The following EIF4G3 variants were observed in gnomAD, a reference collection of about 807,000 sequenced individuals.
EIF4G3 encodes eukaryotic translation initiation factor 4 gamma 3.
A neutral mutation model predicts 186.4 loss-of-function variants in EIF4G3; 34 were observed. That is an observed-to-expected ratio of 0.18 (90% CI 0.14 to 0.24). The LOEUF is 0.24. Among genes scored for constraint, EIF4G3 ranks in the 10% least tolerant of loss-of-function variants. The probability of loss-of-function intolerance (pLI) is 1.00; values close to 1 mark genes in which losing one functional copy is unlikely to be tolerated. For missense variants in EIF4G3, 1,536 were observed against 1,948.5 expected (o/e 0.79, Z 3.99); for synonymous variants, 673 against 679.5 (o/e 0.99, Z 0.15).
intron 24 of EIF4G3, among the ~76,000 whole-genome samples, chr1:20,859,766 A>G (rs1432402951): frequency 6.6e-6 from 1 of 151,964 alleles, no homozygotes; most frequent in African/African-American, 2.4e-5. Context: ...TGTCCAGCAA[A>G]TTTTTTAGTA....
At chr1:21,143,302 C>T (rs370994155) in intron 2 of EIF4G3, among the ~76,000 whole-genome samples, 6 of 130,014 alleles carry the variant, frequency 4.6e-5, no homozygotes, top group African/African-American at 1.7e-4. Context: ...GAAAGAGAGA[C>T]AAAGAAAGAA....
At chr1:21,031,515 T>C (rs937524716) in intron 4 of EIF4G3, among the ~76,000 whole-genome samples, 8 of 151,546 alleles carry the variant, frequency 5.3e-5, no homozygotes, top group African/African-American at 1.9e-4. Flanking sequence ...ATATAAAGAA[T>C]ATAAGAACAC....
At position 20,986,744 on chromosome 1, in the gene EIF4G3, C is replaced by CAAAAA. The variant is rs61255473; in HGVS notation, c.178-4341_178-4337dup. Among the ~76,000 whole-genome samples, 562 of 66,298 alleles carry CAAAAA rather than the reference C, an allele frequency of 8.5e-3. 75 individuals are homozygous for CAAAAA. Among genetic ancestry groups the CAAAAA allele is most frequent in the East Asian group, 0.016 (22 of 1,416 alleles). 43.5% of individuals were successfully genotyped at this position (66,298 alleles called of 152,430 possible). On this transcript the variant is annotated intron_variant, in intron 7 of 36. Transcript: ENST00000602326. ...AGCCTGGGCGACAGAGCTCTGTCTC[C>CAAAAA]AAAAAAAAAAAAAAAAAAAAAAAAA...
intron 2 of EIF4G3, among the ~76,000 whole-genome samples, chr1:21,118,929 A>AT (rs1484149353): frequency 8.1e-5 from 6 of 74,372 alleles, no homozygotes; most frequent in African/African-American, 2.7e-4. Context: ...ACCAAGCTCT[A>AT]TTAAAAAAAA....
At position 20,941,834 on chromosome 1, in the gene EIF4G3, A is replaced by G. The variant is rs985263736; in HGVS notation, c.1320T>C (p.Thr440=). The change falls in exon 14 of 37, where the codon ACT becomes ACC. Residue 440 remains threonine, a synonymous_variant. Coordinates refer to ENST00000602326, the MANE Select transcript of EIF4G3 (RefSeq NM_001391906.1). ...EIVKQEVLPL[T]LELEILENPP... is the part of the protein sequence containing the mutation. The stretch of plus-strand genomic sequence containing the variant: ...GATTTTCGAGAATCTCCAATTCAAG[A>G]GTCAATGGCAATACTTCCTGTTTTA... 1 of 1,614,126 alleles carries G rather than the reference A, an allele frequency of 6.2e-7. No individual in the cohort carries two copies. The highest frequency in any genetic ancestry group is 8.5e-7 in the Non-Finnish European group (1 of 1,180,008).
intron 2 of EIF4G3, among the ~76,000 whole-genome samples, chr1:21,108,951 C>T (rs2096666958): frequency 6.7e-6 from 1 of 149,202 alleles, no homozygotes; most frequent in South Asian, 2.1e-4. Flanking sequence ...TGTGGTGGCT[C>T]AATGCCTGTA....
chr1:20,937,801 CAG>C (rs1397845681), intron 14 of EIF4G3, among the ~76,000 whole-genome samples: 1 of 152,122 alleles, frequency 6.6e-6, no homozygotes, highest in Admixed American at 6.5e-5. Flanking sequence ...CCACCAGATA[CAG>C]AGAATAAACA....
chr1:21,115,323 T>A (rs2096798215), intron 2 of EIF4G3, among the ~76,000 whole-genome samples: 1 of 152,156 alleles, frequency 6.6e-6, no homozygotes, highest in South Asian at 2.1e-4. Flanking sequence ...GAGAGGGGAA[T>A]GGCCTTTCAG....
chr1:20,887,198 C>T (rs906837378), intron 18 of EIF4G3, among the ~76,000 whole-genome samples: 9 of 150,626 alleles, frequency 6.0e-5, no homozygotes, highest in Non-Finnish European at 1.3e-4. Context: ...TCTGTTAGTG[C>T]TGGGCAAATA....
At chr1:20,863,540 G>A (rs1034032796) in intron 22 of EIF4G3, among the ~76,000 whole-genome samples, 1 of 150,870 alleles carries the variant, frequency 6.6e-6, no homozygotes, top group African/African-American at 2.4e-5. Flanking sequence ...TGCCTCCCGG[G>A]TTCAAGCAAT....
chr1:20,864,740 C>T, intron 21 of EIF4G3, 28 bp from the exon 22 acceptor site: 4 of 1,567,850 alleles, frequency 2.6e-6, no homozygotes, highest in South Asian at 1.1e-5. Context: ...ATAATAGCAT[C>T]TTGATGATGA....
rs1313381410 is a variant in EIF4G3, at chr1:20,943,976, G to T, written c.824-1646C>A. On this transcript the variant is annotated intron_variant, in intron 13 of 36. Coordinates refer to ENST00000602326, the MANE Select transcript of EIF4G3 (RefSeq NM_001391906.1). ...AGGAAAACTTGTCTTTATTTTTTTT[G>T]TGTGTGTGTGTGTGTGTGTGTGTGT... Among the ~76,000 whole-genome samples the T allele has an allele frequency of 6.7e-3, 171 of 25,558 alleles. 3 individuals are homozygous for T. Among genetic ancestry groups the T allele is most frequent in the Middle Eastern group, 0.025 (1 of 40 alleles). The allele number at this position is 25,558 out of a possible 152,430, so 16.8% of individuals were successfully genotyped here.
intron 12 of EIF4G3, among the ~76,000 whole-genome samples, chr1:20,950,874 G>C (rs534137995): frequency 5.3e-4 from 81 of 152,150 alleles, no homozygotes; most frequent in Non-Finnish European, 1.0e-3. Flanking sequence ...TTACACAAGA[G>C]AGGACATGAA....
intron 3 of EIF4G3, among the ~76,000 whole-genome samples, chr1:21,083,075 T>TAAAAAAAAAAAA (rs1553217323): frequency 5.5e-5 from 6 of 110,044 alleles, no homozygotes; most frequent in South Asian, 3.3e-4. Context: ...AAAAAAAAAG[T>TAAAAAAAAAAAA]TTAAAAAATT....
At chr1:20,892,558 G>GT (rs2086450282) in intron 18 of EIF4G3, 8 of 1,175,286 alleles carry the variant, frequency 6.8e-6, no homozygotes, top group South Asian at 1.3e-5. Context: ...TAAAAAGAGC[G>GT]TAACAGAAAA....
intron 7 of EIF4G3, among the ~76,000 whole-genome samples, chr1:20,995,685 T>G (rs1263345268): frequency 6.6e-6 from 1 of 152,226 alleles, no homozygotes; most frequent in African/African-American, 2.4e-5. Context: ...TCAGCAATAC[T>G]GTTTTTGTTT....
At chr1:21,066,768 T>G (rs1228103887) in intron 3 of EIF4G3, among the ~76,000 whole-genome samples, 2 of 152,250 alleles carry the variant, frequency 1.3e-5, no homozygotes. Flanking sequence ...CTAATGGTCT[T>G]TCTTTCCTTT....
At chr1:21,124,570 G>C (rs2096992349) in intron 2 of EIF4G3, among the ~76,000 whole-genome samples, 1 of 152,118 alleles carries the variant, frequency 6.6e-6, no homozygotes, top group Admixed American at 6.6e-5. Context: ...AGCCTTCATG[G>C]GACTATAAGG....
intron 14 of EIF4G3, among the ~76,000 whole-genome samples, chr1:20,938,624 A>G (rs1474391259): frequency 6.6e-6 from 1 of 152,258 alleles, no homozygotes; most frequent in Admixed American, 6.5e-5. Flanking sequence ...AAAGTAAACA[A>G]GGTATAATAA....
Sources: gnomAD v4.1 joint callset for allele counts (sites outside exome capture counted in the v4.1 genomes callset) on GRCh38, gnomAD v4.1.1 for gene constraint, MANE v1.5 for transcripts, NCBI Gene and HGNC (gene_info 2026-07-23, HGNC 2026-07-21) for gene names.